The following PLG variants were observed in gnomAD, a reference collection of about 807,000 sequenced individuals.
PLG encodes the protein plasminogen.
PLG carries 41 observed loss-of-function variants against 104.4 expected under a neutral mutation model. The ratio of observed to expected loss-of-function variants is 0.39; its 90% CI spans 0.31 to 0.51. The LOEUF is 0.51. Among genes scored for constraint, PLG ranks in the 20% least tolerant of loss-of-function variants. The pLI is 0.76. For synonymous variants in PLG, 337 were observed against 357.1 expected (o/e 0.94, Z 0.63); for missense variants, 891 against 1,003.6 (o/e 0.89, Z 1.52).
In PLG at chr6:160,722,403, T is replaced by G; in HGVS notation, c.1097-5T>G. ...TAAGCTTGATTTCTTTTATTTTAATTTCAGCACCACCTGAGCTAACCCCTG... is the reference window on the plus strand; with the variant it reads ...TAAGCTTGATTTCTTTTATTTTAATGTCAGCACCACCTGAGCTAACCCCTG... On this transcript the variant is annotated splice_region_variant and splice_polypyrimidine_tract_variant and intron_variant, in intron 9 of 18. Coordinates refer to ENST00000308192, the MANE Select transcript of PLG (RefSeq NM_000301.5). The G allele has an allele frequency of 6.2e-7, 1 of 1,609,086 alleles. No homozygotes were observed. The highest frequency in any genetic ancestry group is 8.5e-7 in the Non-Finnish European group (1 of 1,175,512).
At chr6:160,711,404 ATTG>A (rs1777638584) in intron 4 of PLG, 2 of 712,024 alleles carry the variant, frequency 2.8e-6, no homozygotes, top group African/African-American at 3.6e-5. Context: ...GTTATACTGT[ATTG>A]TTTTTATTTG....
rs988538468 is a variant in PLG at position 160,724,194 on chromosome 6, A to G, written c.1256+1627A>G. The stretch of plus-strand genomic sequence containing the variant: ...ATTGGCAAGAAGATTTGAAATATAT[A>G]TATATCATAATTGTGTTCAAGGATT... On this transcript the variant is annotated intron_variant, in intron 10 of 18. Coordinates refer to ENST00000308192, the MANE Select transcript of PLG (RefSeq NM_000301.5). The surrounding 1 kb of genome is among the most constrained non-coding windows in gnomAD (Gnocchi z 5.0). Among the ~76,000 whole-genome samples, 13 of 152,228 alleles carry G rather than the reference A, an allele frequency of 8.5e-5. No homozygotes were observed. The highest frequency in any genetic ancestry group is 6.5e-4 in the Admixed American group (10 of 15,282).
chr6:160,707,583 G>C (rs1458450350), intron 2 of PLG, 117 bp from the exon 3 acceptor site: 1 of 1,089,636 alleles, frequency 9.2e-7, no homozygotes, highest in Non-Finnish European at 1.4e-6. Flanking sequence ...CAGCAATTCT[G>C]AGCTCTCTGG....
At position 160,730,981 on chromosome 6, in the gene PLG, T is replaced by G. The variant is rs1777990178; in HGVS notation, c.1257-70T>G. 35 of 1,468,830 alleles carry G rather than the reference T, an allele frequency of 2.4e-5. No homozygotes were observed. In the South Asian group the frequency reaches 3.6e-4, roughly 15 times the overall value. The allele number at this position is 1,468,830 out of a possible 1,614,324, so 91.0% of individuals were successfully genotyped here. On this transcript the variant is annotated intron_variant, in intron 10 of 18. Transcript: ENST00000308192. ...TTGTTAACACTTTGTTAGAACAAAATGTAGAGGGTGCTGGGTGCCCCTGAA... is the reference window on the plus strand; with the variant it reads ...TTGTTAACACTTTGTTAGAACAAAAGGTAGAGGGTGCTGGGTGCCCCTGAA...
intron 17 of PLG, among the ~76,000 whole-genome samples, chr6:160,749,346 CATT>C (rs1778355832): frequency 1.3e-5 from 2 of 150,946 alleles, no homozygotes. Flanking sequence ...TCACAATTAT[CATT>C]ACCACCACCA....
chr6:160,729,825 G>A (rs1458318232), intron 10 of PLG, among the ~76,000 whole-genome samples: 2 of 152,186 alleles, frequency 1.3e-5, no homozygotes, highest in Non-Finnish European at 2.9e-5. Context: ...CACAAGTATA[G>A]GTGATCATCA....
intron 7 of PLG, among the ~76,000 whole-genome samples, chr6:160,717,764 A>C (rs1777763655): frequency 2.0e-5 from 3 of 152,182 alleles, no homozygotes; most frequent in African/African-American, 7.2e-5. Context: ...CACCTACCCA[A>C]GGGTCTTTCT....
chr6:160,704,488 T>C (rs1410937658), intron 1 of PLG, among the ~76,000 whole-genome samples: 2 of 152,244 alleles, frequency 1.3e-5, no homozygotes, highest in Non-Finnish European at 2.9e-5. Context: ...ACACACTTTG[T>C]GGATTTATTG....
intron 1 of PLG, among the ~76,000 whole-genome samples, chr6:160,703,268 T>TAA (rs34053173): frequency 0.45 from 65,413 of 146,862 alleles, 14,906 homozygotes; most frequent in Non-Finnish European, 0.53. Flanking sequence ...TCTTTTTCTT[T>TAA]AAAAAAAAAA....
chr6:160,717,869 C>T (rs1475339526), intron 7 of PLG, among the ~76,000 whole-genome samples: 3 of 152,158 alleles, frequency 2.0e-5, no homozygotes, highest in African/African-American at 7.2e-5. Flanking sequence ...TGCCAAATTC[C>T]AAGAGAGGCT....
chr6:160,712,279 T>A (rs1458906918), intron 4 of PLG: 2 of 157,640 alleles, frequency 1.3e-5, no homozygotes, highest in Admixed American at 1.2e-4. Context: ...TTCTAGACTG[T>A]AAGTCTTGTG....
At chr6:160,733,558 G>C (rs894918142) in intron 12 of PLG, among the ~76,000 whole-genome samples, 5 of 151,668 alleles carry the variant, frequency 3.3e-5, no homozygotes, top group Non-Finnish European at 7.4e-5. Context: ...AGGAAGAAGA[G>C]GCTGAGCATG....
At chr6:160,718,979 T>G in intron 9 of PLG, 141 bp downstream of exon 9, 1 of 766,408 alleles carries the variant, frequency 1.3e-6, no homozygotes. Flanking sequence ...ATTTCAGTTT[T>G]TTTAGATTTG....
intron 17 of PLG, among the ~76,000 whole-genome samples, chr6:160,749,910 C>T (rs1240840246): frequency 6.6e-6 from 1 of 151,684 alleles, no homozygotes; most frequent in Non-Finnish European, 1.5e-5. Flanking sequence ...ACTGCCACCA[C>T]CACCACCACC....
chr6:160,708,572 T>A (rs1777574981), intron 3 of PLG: 1 of 152,254 alleles, frequency 6.6e-6, no homozygotes, highest in Non-Finnish European at 1.5e-5. Flanking sequence ...CTTTAAAAAC[T>A]GTTTCCTCTA....
At chr6:160,711,638 C>T in intron 4 of PLG, 1 of 1,610,426 alleles carries the variant, frequency 6.2e-7, no homozygotes, top group Non-Finnish European at 8.5e-7. Context: ...CATAGTAGAA[C>T]ATGGTTGCTT....
chr6:160,712,165 T>A (rs2115157239), intron 4 of PLG: 1 of 168,772 alleles, frequency 5.9e-6, no homozygotes, highest in African/African-American at 2.4e-5. Flanking sequence ...TCTGGGCCAT[T>A]TTTATGAGGT....
At position 160,722,089 on chromosome 6, in the gene PLG, G is replaced by T. The variant is rs983850369; in HGVS notation, c.1097-319G>T. 5.9e-5 allele frequency among the ~76,000 whole-genome samples: 9 copies of T among 152,166 alleles called. No individual in the cohort carries two copies. In the East Asian group the frequency reaches 1.3e-3, roughly 23 times the overall value. On this transcript the variant is annotated intron_variant, in intron 9 of 18. Coordinates refer to ENST00000308192, the MANE Select transcript of PLG (RefSeq NM_000301.5). ...CCACCCACAGCCTGCACTGCCGAAT[G>T]CATCCTCCTCTCATCTGCCCTCGTG... is the stretch of plus-strand genomic sequence containing the variant.
intron 5 of PLG, among the ~76,000 whole-genome samples, chr6:160,713,788 G>T (rs537037123): frequency 6.6e-6 from 1 of 152,280 alleles, no homozygotes; most frequent in Admixed American, 6.5e-5. Context: ...CTGAAGCTAA[G>T]CAAGGAACCA....
Sources: allele counts gnomAD v4.1 joint callset (sites outside exome capture counted in the v4.1 genomes callset), GRCh38; gene constraint gnomAD v4.1.1; non-coding constraint Gnocchi (gnomAD v3.1); transcripts MANE v1.5; gene names NCBI Gene and HGNC (gene_info 2026-07-23, HGNC 2026-07-21).